The following LAPTM5 variants were observed in gnomAD, a reference collection of about 807,000 sequenced individuals.
The protein encoded by LAPTM5 is lysosomal-associated transmembrane protein 5.
In LAPTM5, 11 loss-of-function variants were observed where a neutral mutation model predicts 30.1. The ratio of observed to expected loss-of-function variants is 0.37; its 90% CI spans 0.23 to 0.60. The LOEUF (loss-of-function observed/expected upper bound fraction) is 0.60. Ranked by LOEUF, LAPTM5 falls within the 20% of genes least tolerant of loss-of-function variation. The pLI is 0.71. For missense variants in LAPTM5, 324 were observed against 332.5 expected (o/e 0.97, Z 0.20); for synonymous variants, 151 against 137.9 (o/e 1.10, Z -0.67).
intron 1 of LAPTM5, among the ~76,000 whole-genome samples, chr1:30,752,314 C>T (rs1286128686): frequency 6.6e-6 from 1 of 152,180 alleles, no homozygotes. Flanking sequence ...GCTGATAGGC[C>T]GAAGAGAGAT....
At position 30,733,452 on chromosome 1, in the gene LAPTM5, T is replaced by C; in HGVS notation, c.*376A>G. 1 of 1,206,264 alleles carries C rather than the reference T, an allele frequency of 8.3e-7. No individual in the cohort carries two copies. The highest frequency in any genetic ancestry group is 1.1e-6 in the Non-Finnish European group (1 of 927,606). 74.7% of individuals were successfully genotyped at this position (1,206,264 alleles called of 1,614,324 possible). A position where few individuals can be genotyped will look rare whatever the true frequency, so the allele number is the denominator to read the frequency against. On this transcript the variant is annotated 3_prime_UTR_variant, in exon 8 of 8. Transcript: ENST00000294507. ...AGACTGTTGTTTGACCAAATTATTT[T>C]ACTGAACTGACAAGTGGGTTTTTGA...
intron 1 of LAPTM5, among the ~76,000 whole-genome samples, chr1:30,752,868 G>A (rs887831614): frequency 3.3e-5 from 5 of 152,010 alleles, no homozygotes; most frequent in South Asian, 2.1e-4. Context: ...GCGCAGTGGC[G>A]CGATCTCGGC....
intron 1 of LAPTM5, among the ~76,000 whole-genome samples, chr1:30,745,425 C>G: frequency 6.6e-6 from 1 of 152,116 alleles, no homozygotes; most frequent in Non-Finnish European, 1.5e-5. Context: ...CCCTCTCCCT[C>G]TGCAGTCCCC....
intron 1 of LAPTM5, among the ~76,000 whole-genome samples, chr1:30,744,148 C>A (rs953748074): frequency 6.6e-6 from 1 of 152,102 alleles, no homozygotes; most frequent in Non-Finnish European, 1.5e-5. Flanking sequence ...ACCAGGAGCA[C>A]GGTGCATGCT....
intron 1 of LAPTM5, 37 bp from the exon 2 acceptor site, chr1:30,742,586 C>T (rs1472404509): frequency 1.1e-5 from 17 of 1,551,764 alleles, no homozygotes; most frequent in Non-Finnish European, 1.5e-5. Flanking sequence ...GCTGAGCCTG[C>T]ATCACGGCCC....
intron 6 of LAPTM5, among the ~76,000 whole-genome samples, chr1:30,735,609 C>A (rs1030319871): frequency 1.3e-5 from 2 of 152,248 alleles, no homozygotes; most frequent in East Asian, 3.8e-4. Flanking sequence ...CATCTCGAAA[C>A]AGAGCTGATG....
chr1:30,733,860 C>A lies in LAPTM5; in HGVS notation c.757G>T (p.Gly253Cys). ...TCTGAGTATGGGGGTGGTGCTGGGCCCCCCTCTGGGGTCTTCGATGGCAAA... is the reference window on the plus strand; with the variant it reads ...TCTGAGTATGGGGGTGGTGCTGGGCACCCCTCTGGGGTCTTCGATGGCAAA... The part of the protein sequence containing the change: ...LSLPSKTPEG[G>C]PAPPPYSEV Residue 253 changes from glycine to cysteine, a missense_variant, in exon 8 of 8, where the codon GGC becomes TGC. Physicochemically the swap from Gly to Cys is radical, Grantham distance 159. Transcript: ENST00000294507. The A allele has an allele frequency of 1.2e-6, 2 of 1,610,058 alleles. No individual in the cohort carries two copies. Among genetic ancestry groups the A allele is most frequent in the Non-Finnish European group, 1.7e-6 (2 of 1,179,092 alleles).
At chr1:30,734,355 G>A (rs1639857525) in intron 7 of LAPTM5, among the ~76,000 whole-genome samples, 1 of 152,160 alleles carries the variant, frequency 6.6e-6, no homozygotes, top group Non-Finnish European at 1.5e-5. Flanking sequence ...TTCTTTTTCT[G>A]TTGGGATTTC....
chr1:30,740,278 G>A (rs1639949124), intron 3 of LAPTM5, among the ~76,000 whole-genome samples: 1 of 152,136 alleles, frequency 6.6e-6, no homozygotes, highest in African/African-American at 2.4e-5. Context: ...AGGACTTGCT[G>A]GAGGTGGGGA....
chr1:30,741,082 C>T (rs1167393181), intron 3 of LAPTM5, among the ~76,000 whole-genome samples: 7 of 152,174 alleles, frequency 4.6e-5, no homozygotes, highest in African/African-American at 1.7e-4. Context: ...GCCCAGGAGC[C>T]CCTCGTTGTC....
intron 1 of LAPTM5, among the ~76,000 whole-genome samples, chr1:30,753,779 G>A (rs914436719): frequency 3.9e-5 from 6 of 152,136 alleles, no homozygotes; most frequent in East Asian, 1.9e-4. Context: ...AACAGCCCAC[G>A]AATATTCATT....
rs922152076 is a variant in LAPTM5, at chr1:30,753,062, A to C, written c.87+4597T>G. 6.0e-5 allele frequency among the ~76,000 whole-genome samples: 9 copies of C among 149,614 alleles called. No individual in the cohort carries two copies. In the East Asian group the frequency reaches 1.2e-3, roughly 20 times the overall value. ...CTCCCAAAATGCTGGGATTACAGGC[A>C]TGAGCCACCGCACCTGGCCGTACTT... is the stretch of plus-strand genomic sequence containing the variant. On this transcript the variant is annotated intron_variant, in intron 1 of 7. Transcript: ENST00000294507.
chr1:30,749,720 C>T (rs1051310189), intron 1 of LAPTM5, among the ~76,000 whole-genome samples: 4 of 152,094 alleles, frequency 2.6e-5, no homozygotes, highest in African/African-American at 4.8e-5. Flanking sequence ...AGAAGATTCC[C>T]CGAAAGAGCA....
At position 30,733,642 on chromosome 1, in the gene LAPTM5, T is replaced by C. The variant is rs1301568631; in HGVS notation, c.*186A>G. The C allele has an allele frequency of 1.8e-5, 28 of 1,533,298 alleles. No homozygotes were observed. Among genetic ancestry groups the C allele is most frequent in the Non-Finnish European group, 2.4e-5 (28 of 1,145,894 alleles). The allele number at this position is 1,533,298 out of a possible 1,614,324, so 95.0% of individuals were successfully genotyped here. A position where few individuals can be genotyped will look rare whatever the true frequency, so the allele number is the denominator to read the frequency against. ...CCGAGGAGTGACTCAGCCTAAAGCG[T>C]TGACCCAGTTGTGAGCAGCTCACAG... On this transcript the variant is annotated 3_prime_UTR_variant, in exon 8 of 8. Transcript: ENST00000294507.
chr1:30,740,030 C>G (rs1178582057), intron 3 of LAPTM5, 93 bp from the exon 4 acceptor site: 2 of 1,391,256 alleles, frequency 1.4e-6, no homozygotes, highest in Non-Finnish European at 1.9e-6. Flanking sequence ...CCTTCCCACC[C>G]TCTCCCAAAC....
rs976973604 is a variant in LAPTM5, at chr1:30,739,507, C to T, written c.387+302G>A. On this transcript the variant is annotated intron_variant, in intron 4 of 7. Coordinates refer to ENST00000294507, the MANE Select transcript of LAPTM5 (RefSeq NM_006762.3). The surrounding 1 kb of genome is among the most constrained non-coding windows in gnomAD (Gnocchi z 4.2). The stretch of plus-strand genomic sequence containing the variant: ...CTAAAAAGCGCACATGTCCTTTCCT[C>T]AGGTGTCAATTCACTCCCAGCAGCA... 2.2e-4 allele frequency among the ~76,000 whole-genome samples: 33 copies of T among 152,204 alleles called. No homozygotes were observed. Among genetic ancestry groups the T allele is most frequent in the African/African-American group, 5.8e-4 (24 of 41,522 alleles).
At chr1:30,748,268 G>C (rs906088473) in intron 1 of LAPTM5, among the ~76,000 whole-genome samples, 2 of 152,124 alleles carry the variant, frequency 1.3e-5, no homozygotes, top group Non-Finnish European at 2.9e-5. Context: ...CAGGACAGAG[G>C]CTGCACAAGA....
chr1:30,753,537 G>A (rs554425930), intron 1 of LAPTM5, among the ~76,000 whole-genome samples: 30 of 152,220 alleles, frequency 2.0e-4, no homozygotes, highest in African/African-American at 7.0e-4. Flanking sequence ...GACTAATCAT[G>A]AGAAAACCAC....
intron 1 of LAPTM5, among the ~76,000 whole-genome samples, chr1:30,750,236 A>G (rs994682127): frequency 6.6e-6 from 1 of 152,112 alleles, no homozygotes; most frequent in East Asian, 1.9e-4. Flanking sequence ...TCCACTTCCT[A>G]GATATCTGGG....
Sources: allele counts gnomAD v4.1 joint callset (sites outside exome capture counted in the v4.1 genomes callset), GRCh38; gene constraint gnomAD v4.1.1; non-coding constraint Gnocchi (gnomAD v3.1); transcripts MANE v1.5; gene names NCBI Gene and HGNC (gene_info 2026-07-23, HGNC 2026-07-21).